PREX1: variants seen among roughly 807,000 people sequenced by gnomAD.
PREX1 encodes phosphatidylinositol-3,4,5-trisphosphate dependent Rac exchange factor 1, also known as phosphatidylinositol 3,4,5-trisphosphate-dependent Rac exchanger 1 protein.
Under a neutral mutation model 198.3 loss-of-function variants are expected in PREX1, and 41 were observed. The observed-to-expected ratio is 0.21, with a 90% confidence interval of 0.16 to 0.27. PREX1 has a LOEUF of 0.27. Ranked by LOEUF, PREX1 falls within the 10% of genes least tolerant of loss-of-function variation. PREX1 has a pLI of 1.00. For missense variants in PREX1, 1,620 were observed against 2,200.7 expected (o/e 0.74, Z 5.28); for synonymous variants, 843 against 887.2 (o/e 0.95, Z 0.89).
upstream of PREX1, among the ~76,000 whole-genome samples, chr20:48,832,363 C>T (rs1431827106): frequency 1.3e-5 from 2 of 152,164 alleles, no homozygotes; most frequent in Admixed American, 1.3e-4. Context: ...TTTGAAGGCC[C>T]CCTTCCCAAG....
rs531217225 is a variant in PREX1 at position 48,708,347 on chromosome 20, G to A, written c.696C>T (p.Thr232=). The A allele has an allele frequency of 2.4e-5, 38 of 1,613,990 alleles. No individual in the cohort carries two copies. The East Asian group carries it at 3.3e-4, about 14-fold the overall frequency. Residue 232 remains threonine (T), a synonymous_variant, in exon 6 of 40, where the codon ACC becomes ACT. Coordinates refer to ENST00000371941, the MANE Select transcript of PREX1 (RefSeq NM_020820.4). ...TGGTCTCATTGATGTTGGAGCAAAC[G>A]GTCTTCATGGCCTGCAGGGCACTCT... is the stretch of plus-strand genomic sequence containing the variant. The part of the protein sequence containing the change: ...AVQSALQAMK[T]VCSNINETKR...
chr20:48,786,235 C>T (rs2090311673), intron 1 of PREX1, among the ~76,000 whole-genome samples: 1 of 152,108 alleles, frequency 6.6e-6, no homozygotes, highest in Non-Finnish European at 1.5e-5. Context: ...AGCAGCTGGA[C>T]CCCCTTGGAG....
intron 33 of PREX1, among the ~76,000 whole-genome samples, chr20:48,633,930 A>G (rs539739414): frequency 6.6e-6 from 1 of 152,324 alleles, no homozygotes; most frequent in Admixed American, 6.5e-5. Context: ...GACATATACT[A>G]TGTGCTCAAA....
the PREX1 span, among the ~76,000 whole-genome samples, chr20:48,833,247 T>C: frequency 6.6e-6 from 1 of 152,158 alleles, no homozygotes; most frequent in Non-Finnish European, 1.5e-5. Flanking sequence ...ACAGCCATCT[T>C]GAGACCCTGA....
At chr20:48,718,049 T>TTCTGC (rs2089969938) in intron 5 of PREX1, among the ~76,000 whole-genome samples, 1 of 152,216 alleles carries the variant, frequency 6.6e-6, no homozygotes. Context: ...ATGTGTGTCC[T>TTCTGC]CTAGTCTGCC....
At chr20:48,835,434 TG>T in the PREX1 span, among the ~76,000 whole-genome samples, 4 of 152,170 alleles carry the variant, frequency 2.6e-5, no homozygotes, top group Non-Finnish European at 5.9e-5. Flanking sequence ...AGCCAGATCA[TG>T]GTAAGAGTTA....
chr20:48,631,382 T>A (rs1230209815), intron 35 of PREX1, among the ~76,000 whole-genome samples: 2 of 152,222 alleles, frequency 1.3e-5, no homozygotes, highest in Non-Finnish European at 2.9e-5. Context: ...CTAGAATATA[T>A]GCTCCATGAA....
At chr20:48,810,418 TA>T (rs2090428719) in intron 1 of PREX1, among the ~76,000 whole-genome samples, 1 of 148,938 alleles carries the variant, frequency 6.7e-6, no homozygotes, top group Non-Finnish European at 1.5e-5. Context: ...CCCTTATCTC[TA>T]AAAAAAATTT....
chr20:48,682,387 T>C (rs539168953), intron 10 of PREX1, among the ~76,000 whole-genome samples: 2 of 152,196 alleles, frequency 1.3e-5, no homozygotes, highest in Non-Finnish European at 2.9e-5. Flanking sequence ...CTTTTCACTG[T>C]CTGAAGTGGT....
intron 1 of PREX1, among the ~76,000 whole-genome samples, chr20:48,820,937 C>T (rs1031513288): frequency 4.6e-5 from 7 of 152,030 alleles, no homozygotes; most frequent in Non-Finnish European, 1.0e-4. Flanking sequence ...TGGTGGCTCA[C>T]GCCTATAATC....
At position 48,773,609 on chromosome 20, in the gene PREX1, C is replaced by A. The variant is rs147758104; in HGVS notation, c.220-25729G>T. 6.3e-3 allele frequency among the ~76,000 whole-genome samples: 958 copies of A among 152,292 alleles called. 16 individuals carry two copies. Among genetic ancestry groups the A allele is most frequent in the African/African-American group, 0.022 (902 of 41,546 alleles). On this transcript the variant is annotated intron_variant, in intron 1 of 39. Coordinates refer to ENST00000371941, the MANE Select transcript of PREX1 (RefSeq NM_020820.4). ...ACTGTTCCAGACAGCAGGAATACCA[C>A]CTGCAGAGGAACTGAGGCAGGAGTG...
intron 5 of PREX1, among the ~76,000 whole-genome samples, chr20:48,710,796 C>T (rs1039783114): frequency 6.6e-6 from 1 of 152,256 alleles, no homozygotes; most frequent in Admixed American, 6.5e-5. Flanking sequence ...CACACTGCGT[C>T]TGCAGGAACA....
chr20:48,788,102 T>G (rs948807434), intron 1 of PREX1, among the ~76,000 whole-genome samples: 4 of 152,162 alleles, frequency 2.6e-5, no homozygotes, highest in African/African-American at 9.7e-5. Flanking sequence ...CAAATTGAAC[T>G]TGTAATTCAC....
intron 6 of PREX1, among the ~76,000 whole-genome samples, chr20:48,705,075 T>C (rs2089896740): frequency 6.6e-6 from 1 of 152,154 alleles, no homozygotes; most frequent in Non-Finnish European, 1.5e-5. Flanking sequence ...GTATTGGGCG[T>C]TTTCTCTGAG....
chr20:48,851,468 T>C, the PREX1 span, among the ~76,000 whole-genome samples: 5 of 152,064 alleles, frequency 3.3e-5, no homozygotes, highest in Admixed American at 6.6e-5. Flanking sequence ...GATCACGCCA[T>C]TGCACTCCAG....
chr20:48,800,754 C>T (rs553374653), intron 1 of PREX1, among the ~76,000 whole-genome samples: 1 of 152,280 alleles, frequency 6.6e-6, no homozygotes, highest in African/African-American at 2.4e-5. Flanking sequence ...TGAACACGGG[C>T]CTTTATAATG....
rs758775120 is a variant in PREX1, at chr20:48,658,228, T to A, written c.1882A>T (p.Ile628Phe). 2 of 1,613,922 alleles carry A rather than the reference T, an allele frequency of 1.2e-6. No individual in the cohort carries two copies. Among genetic ancestry groups the A allele is most frequent in the South Asian group, 2.2e-5 (2 of 91,062 alleles). The change falls in exon 17 of 40, where the codon ATC (isoleucine) becomes TTC (phenylalanine). Residue 628 changes from isoleucine (I) to phenylalanine (F), a missense_variant and splice_region_variant. Coordinates refer to ENST00000371941, the MANE Select transcript of PREX1 (RefSeq NM_020820.4). ...CCATAGTCCTCCTCCTGGGGCAGGA[T>A]CTGGGGGCCCAGGGCAGAAGGAACC... ...VENILAKRLL[I>F]LPQEEDYGFD...
Position 48,704,115 on chromosome 20 carries a change from T to C in PREX1, c.784-3229A>G, listed in dbSNP as rs371596056. Among the ~76,000 whole-genome samples the C allele has an allele frequency of 5.3e-5, 8 of 152,234 alleles. No homozygotes were observed. The East Asian group carries it at 9.6e-4, about 18-fold the overall frequency. ...ACTCAGCTAATCCTCAGGACAATTC[T>C]CATTTTACAGATGAGGAGACCGAGG... On this transcript the variant is annotated intron_variant, in intron 6 of 39. Transcript: ENST00000371941.
At chr20:48,726,492 A>G in intron 4 of PREX1, 101 bp from the exon 5 acceptor site, 2 of 830,034 alleles carry the variant, frequency 2.4e-6, no homozygotes, top group Non-Finnish European at 4.0e-6. Context: ...AGCTACAATC[A>G]CTTGGCAAGC....
Sources: allele counts gnomAD v4.1 joint callset (sites outside exome capture counted in the v4.1 genomes callset), GRCh38; gene constraint gnomAD v4.1.1; transcripts MANE v1.5; gene names NCBI Gene and HGNC (gene_info 2026-07-23, HGNC 2026-07-21).